The following PRPF18 variants were observed in gnomAD, a reference collection of about 807,000 sequenced individuals.
The protein encoded by PRPF18 is pre-mRNA processing factor 18, also known as pre-mRNA-splicing factor 18.
PRPF18 carries 38 observed loss-of-function variants against 46.5 expected under a neutral mutation model. The observed-to-expected ratio is 0.82, with a 90% CI of 0.63 to 1.07. PRPF18 has a LOEUF of 1.07. PRPF18 is among the 50% of genes least tolerant of loss of function. PRPF18 has a pLI of 0.00. For synonymous variants in PRPF18, 152 were observed against 146.7 expected, an observed-to-expected ratio of 1.04 and a Z score of -0.26; for missense variants, 263 against 410.0, an observed-to-expected ratio of 0.64 and a Z score of 3.10.
the PRPF18 span, chr10:13,641,441 G>A: frequency 6.6e-6 from 1 of 152,194 alleles, no homozygotes; most frequent in African/African-American, 2.4e-5. Flanking sequence ...TAGAGAGGAG[G>A]TCTAGGATAT....
At chr10:13,608,914 T>C (rs528837947) in intron 4 of PRPF18, among the ~76,000 whole-genome samples, 6 of 152,184 alleles carry the variant, frequency 3.9e-5, no homozygotes, top group Non-Finnish European at 5.9e-5. Context: ...TCTTCATTGG[T>C]AAAACAGAGG....
chr10:13,627,166 A>C (rs529772411), intron 9 of PRPF18, among the ~76,000 whole-genome samples: 1 of 152,290 alleles, frequency 6.6e-6, no homozygotes, highest in East Asian at 1.9e-4. Context: ...AAAGTCCTTC[A>C]GGTTGCCCCA....
chr10:13,587,099 A>C lies in PRPF18; in HGVS notation c.13A>C (p.Lys5Gln). 2 of 1,614,116 alleles carry C rather than the reference A, an allele frequency of 1.2e-6. No individual in the cohort carries two copies. The highest frequency in any genetic ancestry group is 1.6e-4 in the Middle Eastern group (1 of 6,062). The change falls in exon 1 of 10, where the codon AAA becomes CAA. Residue 5 changes from lysine to glutamine, a missense_variant. Physicochemically the swap from Lys to Gln is moderately conservative, Grantham distance 53. Around this residue, in one of 4 missense-constraint regions of PRPF18, gnomAD observed 71 missense variants for 69.2 expected, o/e 1.03. Transcript: ENST00000378572. MDIL[K>Q]SEILRKRQLV... ...TTCTGGCGGCGAGATGGACATTCTG[A>C]AATCAGAGATCCTTCGGAAGCGGCA...
chr10:13,614,392 G>A (rs2080310924), intron 8 of PRPF18, among the ~76,000 whole-genome samples: 1 of 152,140 alleles, frequency 6.6e-6, no homozygotes, highest in African/African-American at 2.4e-5. Context: ...GAATTTCAAA[G>A]TTTTGTAAAT....
In PRPF18 at chr10:13,610,154, A is replaced by T. The variant is rs2080250005; in HGVS notation, c.479A>T (p.His160Leu). 1 of 1,614,066 alleles carries T rather than the reference A, an allele frequency of 6.2e-7. No homozygotes were observed. The highest frequency in any genetic ancestry group is 1.3e-5 in the African/African-American group (1 of 74,944). The change falls in exon 5 of 10, where the codon CAT becomes CTT. Residue 160 changes from histidine to leucine, a missense_variant. By Grantham distance (99) the His-to-Leu change is moderately conservative. This residue lies in a region of PRPF18 where 155 missense variants were observed against 245.1 expected (regional missense o/e 0.63). Transcript: ENST00000378572. ...GACACACAGAATGATCTGAAAGTTCATGAGGAAAACACCACAATTGAAGAG... is the reference window on the plus strand; with the variant it reads ...GACACACAGAATGATCTGAAAGTTCTTGAGGAAAACACCACAATTGAAGAG... ...EEDTQNDLKV[H>L]EENTTIEELE... is the part of the protein sequence containing the mutation.
At chr10:13,615,006 T>A (rs1398751553) in intron 8 of PRPF18, among the ~76,000 whole-genome samples, 2 of 152,216 alleles carry the variant, frequency 1.3e-5, no homozygotes, top group African/African-American at 2.4e-5. Context: ...ACTGGATGAT[T>A]TACGTGATTA....
At chr10:13,625,072 G>A (rs1288537037) in intron 9 of PRPF18, among the ~76,000 whole-genome samples, 1 of 152,222 alleles carries the variant, frequency 6.6e-6, no homozygotes, top group Non-Finnish European at 1.5e-5. Flanking sequence ...GGTGGCTCAT[G>A]CCTGTAATCC....
the PRPF18 span, chr10:13,654,441 G>A: frequency 1.9e-6 from 3 of 1,612,080 alleles, no homozygotes; most frequent in Non-Finnish European, 2.5e-6. Flanking sequence ...AGGATGTGGT[G>A]GGGGCTGCTT....
At chr10:13,617,432 C>T (rs944704111) in intron 9 of PRPF18, among the ~76,000 whole-genome samples, 1 of 151,986 alleles carries the variant, frequency 6.6e-6, no homozygotes, top group Admixed American at 6.6e-5. Context: ...TGATTTCAAT[C>T]GGACTCCCTC....
rs753785656 is a variant in PRPF18, at chr10:13,605,789, TC to T, written c.363+46del. ...CTAGAAAAATACCACTGTACTGCAT[TC>T]ACTAGAATAGAGTTTGACTAATTGC... On this transcript the variant is annotated intron_variant, in intron 4 of 9. Coordinates refer to ENST00000378572, the MANE Select transcript of PRPF18 (RefSeq NM_003675.4). The T allele has an allele frequency of 3.9e-6, 6 of 1,551,662 alleles. No homozygotes were observed. The South Asian group carries it at 7.4e-5, about 19-fold the overall frequency.
chr10:13,654,088 G>A, the PRPF18 span: 1 of 483,006 alleles, frequency 2.1e-6, no homozygotes, highest in Non-Finnish European at 3.6e-6. Flanking sequence ...TTTTGAGTCA[G>A]CCTGAGTATA....
rs952545414 is a variant in PRPF18, at chr10:13,630,466, G to A, written c.*126G>A. The A allele has an allele frequency of 3.7e-5, 25 of 667,672 alleles. No homozygotes were observed. Among genetic ancestry groups the A allele is most frequent in the Non-Finnish European group, 4.7e-5 (19 of 404,152 alleles). 41.4% of individuals were successfully genotyped at this position (667,672 alleles called of 1,614,324 possible). On this transcript the variant is annotated 3_prime_UTR_variant, in exon 10 of 10. Coordinates refer to ENST00000378572, the MANE Select transcript of PRPF18 (RefSeq NM_003675.4). ...TTCCAGTCTCTGAGTTCTACCTGAT[G>A]TAACTCTTGATTGGTTTTAAGAACT...
At chr10:13,650,909 C>T in the PRPF18 span, among the ~76,000 whole-genome samples, 2 of 151,680 alleles carry the variant, frequency 1.3e-5, no homozygotes, top group Non-Finnish European at 2.9e-5. Context: ...AAGTGACCCC[C>T]TCATTTCTGA....
chr10:13,630,317 T>C lies in PRPF18; in HGVS notation c.1006T>C (p.Cys336Arg). Residue 336 changes from cysteine to arginine, a missense_variant, in exon 10 of 10, where the codon TGT (cysteine) becomes CGT (arginine). By Grantham distance (180) the Cys-to-Arg change is radical (BLOSUM62 -3). Transcript: ENST00000378572. The stretch of plus-strand genomic sequence containing the variant: ...ACACTTTCCTACAGACCCATCCAAA[T>C]GTGTGGAGTACAATGCACTGTGAGA... Reference protein sequence around the residue: ...QKHFPTDPSKCVEYNAL With the variant: ...QKHFPTDPSKRVEYNAL 1 of 1,611,234 alleles carries C rather than the reference T, an allele frequency of 6.2e-7. No homozygotes were observed. Among genetic ancestry groups the C allele is most frequent in the Non-Finnish European group, 8.5e-7 (1 of 1,177,376 alleles).
At chr10:13,645,400 TACC>T in the PRPF18 span, 1 of 131,156 alleles carries the variant, frequency 7.6e-6, no homozygotes, top group Non-Finnish European at 1.6e-5. Context: ...AAGCACAGCA[TACC>T]ACCTCTGCGG....
the PRPF18 span, chr10:13,646,317 TATGTTTTTA>T: frequency 6.6e-6 from 1 of 152,618 alleles, no homozygotes; most frequent in African/African-American, 2.4e-5. Flanking sequence ...CTTAATTTTT[TATGTTTTTA>T]TTTATTTTTA....
chr10:13,616,984 AC>A (rs931543562), intron 9 of PRPF18, among the ~76,000 whole-genome samples: 1 of 152,204 alleles, frequency 6.6e-6, no homozygotes, highest in African/African-American at 2.4e-5. Context: ...GAGAGTAAAG[AC>A]TTGGCTTTAA....
chr10:13,591,534 T>C (rs762264720), intron 1 of PRPF18: 18 of 722,998 alleles, frequency 2.5e-5, no homozygotes, highest in Non-Finnish European at 4.4e-5. Flanking sequence ...AGCTTAGGAA[T>C]AGCTTTGATT....
In PRPF18 at chr10:13,619,571, A is replaced by G. The variant is rs370199420; in HGVS notation, c.948+3018A>G. ...CCTCAAGTTTCAACTCATGCGCCCA[A>G]GAGTCACTAAGATAACGAGTGAGCT... is the stretch of plus-strand genomic sequence containing the variant. On this transcript the variant is annotated intron_variant, in intron 9 of 9. Coordinates refer to ENST00000378572, the MANE Select transcript of PRPF18 (RefSeq NM_003675.4). 5.1e-4 allele frequency among the ~76,000 whole-genome samples: 78 copies of G among 152,322 alleles called. No individual in the cohort carries two copies. In the South Asian group the frequency reaches 0.012, roughly 23 times the overall value.
Sources: allele counts gnomAD v4.1 joint callset (sites outside exome capture counted in the v4.1 genomes callset), GRCh38; gene constraint gnomAD v4.1.1; regional missense constraint gnomAD v4.1.1; transcripts MANE v1.5; gene names NCBI Gene and HGNC (gene_info 2026-07-23, HGNC 2026-07-21).